RNF217: variants seen among roughly 807,000 people sequenced by gnomAD.
The protein encoded by RNF217 is E3 ubiquitin-protein ligase RNF217.
In RNF217, 31 loss-of-function variants were observed where a neutral mutation model predicts 57.8. The ratio of observed to expected loss-of-function variants is 0.54; its 90% CI spans 0.40 to 0.72. The LOEUF (loss-of-function observed/expected upper bound fraction) is 0.72, where lower values mean the gene tolerates loss of function less well. Among genes scored for constraint, RNF217 ranks in the 30% least tolerant of loss-of-function variants. RNF217 has a pLI of 0.00. For synonymous variants in RNF217, 313 were observed against 294.0 expected (o/e 1.06, Z -0.66); for missense variants, 696 against 708.3 (o/e 0.98, Z 0.20).
At chr6:125,026,764 T>C (rs1365966289) in intron 1 of RNF217, among the ~76,000 whole-genome samples, 1 of 152,174 alleles carries the variant, frequency 6.6e-6, no homozygotes, top group Non-Finnish European at 1.5e-5. Flanking sequence ...TGTGTGACTC[T>C]TGACCCTGTG....
At chr6:125,063,749 G>C (rs532700262) in intron 3 of RNF217, among the ~76,000 whole-genome samples, 5 of 152,160 alleles carry the variant, frequency 3.3e-5, no homozygotes, top group Admixed American at 6.5e-5. Context: ...TTGTAAACAA[G>C]AGGTAATTAC....
chr6:125,054,574 G>A (rs1787452683), intron 2 of RNF217, among the ~76,000 whole-genome samples: 1 of 152,122 alleles, frequency 6.6e-6, no homozygotes, highest in Non-Finnish European at 1.5e-5. Flanking sequence ...AATCTATCTT[G>A]GCTAATTTCC....
At chr6:124,968,719 A>G (rs1412208298) in intron 1 of RNF217, among the ~76,000 whole-genome samples, 3 of 152,156 alleles carry the variant, frequency 2.0e-5, no homozygotes, top group African/African-American at 7.2e-5. Context: ...TTAGAGTGTG[A>G]TTTTTCCCTC....
rs904416126 is a variant in RNF217, at chr6:125,091,926, T to C, written c.*8989T>C. 3 of 152,196 alleles carry C rather than the reference T, an allele frequency of 2.0e-5. No homozygotes were observed. The highest frequency in any genetic ancestry group is 4.8e-5 in the African/African-American group (2 of 41,456). The allele number at this position is 152,196 out of a possible 1,614,324, so 9.4% of individuals were successfully genotyped here. Reference sequence around the variant, plus strand: ...CCTTTTGTTTTAGCTTTATACAAAATGCTAGGTTTGTTATATTCTTTATGT... The same window carrying C: ...CCTTTTGTTTTAGCTTTATACAAAACGCTAGGTTTGTTATATTCTTTATGT... On this transcript the variant is annotated 3_prime_UTR_variant, in exon 6 of 6. Coordinates refer to ENST00000521654, the MANE Select transcript of RNF217 (RefSeq NM_001286398.3).
intron 1 of RNF217, among the ~76,000 whole-genome samples, chr6:125,039,313 A>G (rs1424301533): frequency 1.3e-5 from 2 of 152,132 alleles, no homozygotes; most frequent in African/African-American, 4.8e-5. Context: ...GTCTCTGATT[A>G]AACAGACCTT....
At chr6:125,021,004 A>G (rs565750258) in intron 1 of RNF217, among the ~76,000 whole-genome samples, 1 of 152,314 alleles carries the variant, frequency 6.6e-6, no homozygotes, top group East Asian at 1.9e-4. Context: ...GTAAATAAAC[A>G]TGGCTTTTAG....
intron 1 of RNF217, among the ~76,000 whole-genome samples, chr6:124,996,870 A>ATAATGAAAATTTTG (rs1784773007): frequency 6.6e-6 from 1 of 152,212 alleles, no homozygotes; most frequent in Admixed American, 6.5e-5. Flanking sequence ...TTACCTTTGT[A>ATAATGAAAATTTTG]TAATGAAAAT....
At chr6:125,018,713 G>A (rs1785704260) in intron 1 of RNF217, among the ~76,000 whole-genome samples, 1 of 152,164 alleles carries the variant, frequency 6.6e-6, no homozygotes, top group African/African-American at 2.4e-5. Context: ...TGGTAAAGAT[G>A]GTAGTAGGAC....
At chr6:124,973,368 C>G (rs987227158) in intron 1 of RNF217, among the ~76,000 whole-genome samples, 1 of 152,142 alleles carries the variant, frequency 6.6e-6, no homozygotes, top group Non-Finnish European at 1.5e-5. Context: ...TTCTTAGAGT[C>G]CTTTTCACTC....
intron 1 of RNF217, among the ~76,000 whole-genome samples, chr6:124,966,028 T>G (rs553343619): frequency 1.3e-5 from 2 of 152,314 alleles, no homozygotes; most frequent in African/African-American, 4.8e-5. Flanking sequence ...GGAAGTGGTG[T>G]TCTGCATTGG....
intron 1 of RNF217, among the ~76,000 whole-genome samples, chr6:125,010,383 G>A (rs562493224): frequency 1.4e-4 from 21 of 152,206 alleles, no homozygotes; most frequent in African/African-American, 4.8e-4. Flanking sequence ...TAGGTATAAT[G>A]CATGAAGTGA....
intron 1 of RNF217, among the ~76,000 whole-genome samples, chr6:124,987,612 C>T (rs139668346): frequency 5.7e-4 from 87 of 152,076 alleles, no homozygotes; most frequent in African/African-American, 2.0e-3. Context: ...AGTGTGAAAA[C>T]GGAGATCTTG....
intron 3 of RNF217, among the ~76,000 whole-genome samples, chr6:125,073,191 A>G (rs1788217097): frequency 6.6e-6 from 1 of 152,302 alleles, no homozygotes; most frequent in East Asian, 1.9e-4. Context: ...CCTAGTGCTC[A>G]TGTGGTTTAA....
chr6:124,979,157 C>T (rs1426460591), intron 1 of RNF217, among the ~76,000 whole-genome samples: 1 of 152,178 alleles, frequency 6.6e-6, no homozygotes, highest in Non-Finnish European at 1.5e-5. Flanking sequence ...GGTCGGGTTT[C>T]ACCAAGGACC....
chr6:125,027,167 C>A (rs1437020121), intron 1 of RNF217, among the ~76,000 whole-genome samples: 1 of 152,070 alleles, frequency 6.6e-6, no homozygotes, highest in African/African-American at 2.4e-5. Context: ...AATCCAATTA[C>A]ATTAAGTTAT....
intron 3 of RNF217, among the ~76,000 whole-genome samples, chr6:125,070,098 T>C (rs1582774448): frequency 6.6e-6 from 1 of 152,172 alleles, no homozygotes; most frequent in African/African-American, 2.4e-5. Context: ...ATTGAGACCA[T>C]ACAACATTTG....
intron 1 of RNF217, among the ~76,000 whole-genome samples, chr6:125,009,713 C>T (rs776493303): frequency 2.6e-5 from 4 of 152,098 alleles, no homozygotes; most frequent in African/African-American, 7.2e-5. Flanking sequence ...CAAAGCTTTG[C>T]TCTCCTAACT....
At chr6:125,048,820 G>A (rs932398888) in intron 2 of RNF217, among the ~76,000 whole-genome samples, 1 of 151,926 alleles carries the variant, frequency 6.6e-6, no homozygotes, top group African/African-American at 2.4e-5. Flanking sequence ...TGTCCTTCCA[G>A]GCCCAACACC....
chr6:125,027,040 G>A (rs980224666), intron 1 of RNF217, among the ~76,000 whole-genome samples: 4 of 151,566 alleles, frequency 2.6e-5, no homozygotes, highest in African/African-American at 9.7e-5. Flanking sequence ...TACATAGTAG[G>A]TGTATATATT....
Sources: allele counts gnomAD v4.1 joint callset (sites outside exome capture counted in the v4.1 genomes callset), GRCh38; gene constraint gnomAD v4.1.1; transcripts MANE v1.5; gene names NCBI Gene and HGNC (gene_info 2026-07-23, HGNC 2026-07-21).